TRERF1: variants seen among roughly 807,000 people sequenced by gnomAD.
The protein encoded by TRERF1 is transcriptional-regulating factor 1.
TRERF1 carries 27 observed loss-of-function variants against 122.9 expected under a neutral mutation model. The ratio of observed to expected loss-of-function variants is 0.22; its 90% CI spans 0.16 to 0.30. The LOEUF is 0.30. Ranked by LOEUF, TRERF1 falls within the 10% of genes least tolerant of loss-of-function variation. The pLI is 1.00. For missense variants in TRERF1, 1,248 were observed against 1,560.3 expected (o/e 0.80, Z 3.37); for synonymous variants, 636 against 641.7 (o/e 0.99, Z 0.13).
chr6:42,244,616 T>A (rs892292530), intron 14 of TRERF1, among the ~76,000 whole-genome samples: 15 of 152,222 alleles, frequency 9.9e-5, no homozygotes, highest in African/African-American at 3.6e-4. Flanking sequence ...AGCTTGGAAA[T>A]TTTTTCAGAT....
At chr6:42,325,958 C>G (rs1341789437) in intron 3 of TRERF1, among the ~76,000 whole-genome samples, 2 of 152,180 alleles carry the variant, frequency 1.3e-5, no homozygotes, top group African/African-American at 4.8e-5. Context: ...ACCACATGTT[C>G]TCACTTATGA....
At chr6:42,418,327 T>C (rs1782222747) in intron 2 of TRERF1, among the ~76,000 whole-genome samples, 1 of 141,140 alleles carries the variant, frequency 7.1e-6, no homozygotes, top group African/African-American at 2.5e-5. Flanking sequence ...TAGAGTTCAA[T>C]GGCGCGATCT....
chr6:42,277,905 G>GGAAGAAGAAGAAGAAGAAGAA lies in TRERF1; in HGVS notation c.-258-8078_-258-8058dup, dbSNP rs70987587. Among the ~76,000 whole-genome samples, 110 of 85,082 alleles carry GGAAGAAGAAGAAGAAGAAGAA rather than the reference G, an allele frequency of 1.3e-3. 2 individuals carry two copies. The highest frequency in any genetic ancestry group is 6.3e-3 in the East Asian group (18 of 2,864). 55.8% of individuals were successfully genotyped at this position (85,082 alleles called of 152,430 possible). ...AGAAGGAAGAAGGAAGAAGGAAGAA[G>GGAAGAAGAAGAAGAAGAAGAA]GAAGAAGAAGAAGAAGAAGAAGAAG... is the stretch of plus-strand genomic sequence containing the variant. On this transcript the variant is annotated intron_variant, in intron 4 of 17. Transcript: ENST00000372922.
Position 42,263,692 on chromosome 6 carries a change from A to T in TRERF1, c.1636-124T>A. 1 of 1,266,110 alleles carries T rather than the reference A, an allele frequency of 7.9e-7. No individual in the cohort carries two copies. The highest frequency in any genetic ancestry group is 1.0e-6 in the Non-Finnish European group (1 of 988,332). The allele number at this position is 1,266,110 out of a possible 1,614,324, so 78.4% of individuals were successfully genotyped here. On this transcript the variant is annotated intron_variant, in intron 7 of 17. Coordinates refer to ENST00000372922, the Ensembl canonical transcript of TRERF1. The surrounding 1 kb of genome is among the most constrained non-coding windows in gnomAD (Gnocchi z 5.6). ...GGTGATAGAGAACCGCTGCAGGGCG[A>T]TTTCCTTCCTGCAATCCTGAGTCCC...
At chr6:42,402,394 C>T (rs1429358678) in intron 2 of TRERF1, among the ~76,000 whole-genome samples, 1 of 152,156 alleles carries the variant, frequency 6.6e-6, no homozygotes, top group Non-Finnish European at 1.5e-5. Context: ...GTTCCATCCA[C>T]ATGAAAGAGA....
chr6:42,292,534 G>A (rs1452372741), intron 4 of TRERF1, among the ~76,000 whole-genome samples: 1 of 152,202 alleles, frequency 6.6e-6, no homozygotes, highest in Admixed American at 6.5e-5. Context: ...ACATGCACAT[G>A]ACTGGCTCAT....
At chr6:42,280,931 G>A (rs1782194111) in intron 4 of TRERF1, among the ~76,000 whole-genome samples, 1 of 152,210 alleles carries the variant, frequency 6.6e-6, no homozygotes, top group Admixed American at 6.5e-5. Context: ...AGAATTCAGT[G>A]TTATGGAATA....
At chr6:42,377,996 G>A (rs1562096217) in intron 2 of TRERF1, among the ~76,000 whole-genome samples, 1 of 152,134 alleles carries the variant, frequency 6.6e-6, no homozygotes, top group Non-Finnish European at 1.5e-5. Flanking sequence ...ATTTTCATTT[G>A]CACTGAGCTC....
At chr6:42,341,315 A>C (rs927643492) in intron 3 of TRERF1, among the ~76,000 whole-genome samples, 1 of 152,268 alleles carries the variant, frequency 6.6e-6, no homozygotes, top group Non-Finnish European at 1.5e-5. Flanking sequence ...CAAGATCCTC[A>C]GTACTGGCCA....
intron 4 of TRERF1, among the ~76,000 whole-genome samples, chr6:42,282,825 C>T (rs1399401919): frequency 6.6e-6 from 1 of 152,154 alleles, no homozygotes; most frequent in Non-Finnish European, 1.5e-5. Flanking sequence ...GCCACTGCTC[C>T]TAAGAGAAAT....
intron 2 of TRERF1, among the ~76,000 whole-genome samples, chr6:42,437,591 C>A (rs886986163): frequency 6.6e-6 from 1 of 152,154 alleles, no homozygotes; most frequent in Non-Finnish European, 1.5e-5. Flanking sequence ...GTGTTCCTTC[C>A]ACCATATTAT....
intron 3 of TRERF1, among the ~76,000 whole-genome samples, chr6:42,355,768 TG>T (rs1770423427): frequency 6.6e-6 from 1 of 152,236 alleles, no homozygotes; most frequent in Admixed American, 6.5e-5. Context: ...TGATCTCAAA[TG>T]GAACAGCTCT....
chr6:42,412,956 T>A (rs1057456157), intron 2 of TRERF1, among the ~76,000 whole-genome samples: 2 of 151,978 alleles, frequency 1.3e-5, no homozygotes, highest in Non-Finnish European at 2.9e-5. Context: ...TGGGGCCCTG[T>A]GTCAAAAATA....
chr6:42,329,748 T>C (rs911846061), intron 3 of TRERF1, among the ~76,000 whole-genome samples: 1 of 152,126 alleles, frequency 6.6e-6, no homozygotes, highest in Non-Finnish European at 1.5e-5. Context: ...CCCAGCACTT[T>C]GGGAGGCTGA....
At chr6:42,392,831 A>G (rs2151266515) in intron 2 of TRERF1, among the ~76,000 whole-genome samples, 1 of 152,270 alleles carries the variant, frequency 6.6e-6, no homozygotes, top group East Asian at 1.9e-4. Context: ...ACTCAAGACA[A>G]CATATGTCAA....
intron 10 of TRERF1, among the ~76,000 whole-genome samples, chr6:42,257,769 G>A (rs1446319933): frequency 1.3e-5 from 2 of 152,202 alleles, no homozygotes; most frequent in African/African-American, 4.8e-5. Flanking sequence ...CCATTTGGAG[G>A]ACTGGCCAAG....
At chr6:42,382,943 T>G (rs1776201932) in intron 2 of TRERF1, among the ~76,000 whole-genome samples, 1 of 150,626 alleles carries the variant, frequency 6.6e-6, no homozygotes, top group Non-Finnish European at 1.5e-5. Flanking sequence ...GTGGGGTGGG[T>G]GTGGGGCAAA....
At chr6:42,288,964 T>A (rs1056936605) in intron 4 of TRERF1, among the ~76,000 whole-genome samples, 1 of 149,030 alleles carries the variant, frequency 6.7e-6, no homozygotes, top group Non-Finnish European at 1.5e-5. Context: ...TGTGTGTGTG[T>A]GTGTGTGTGT....
chr6:42,272,224 C>T (rs186575708), intron 4 of TRERF1, among the ~76,000 whole-genome samples: 1 of 152,290 alleles, frequency 6.6e-6, no homozygotes, highest in African/African-American at 2.4e-5. Context: ...AAGACCACTG[C>T]AGTCGTACCC....
Sources: allele counts gnomAD v4.1 joint callset (sites outside exome capture counted in the v4.1 genomes callset), GRCh38; gene constraint gnomAD v4.1.1; non-coding constraint Gnocchi (gnomAD v3.1); transcripts MANE v1.5; gene names NCBI Gene and HGNC (gene_info 2026-07-23, HGNC 2026-07-21).